Variants in EPHA3 observed in about 807,000 individuals in gnomAD.
EPHA3 encodes ephrin type-A receptor 3.
In EPHA3, 42 loss-of-function variants were observed where a neutral mutation model predicts 107.1. The ratio of observed to expected loss-of-function variants is 0.39; its 90% CI spans 0.31 to 0.51. The LOEUF is 0.51. Among genes scored for constraint, EPHA3 ranks in the 20% least tolerant of loss-of-function variants. EPHA3 has a pLI of 0.78. For missense variants in EPHA3, 1,183 were observed against 1,211.2 expected, an observed-to-expected ratio of 0.98 and a Z score of 0.35; for synonymous variants, 461 against 424.8, an observed-to-expected ratio of 1.09 and a Z score of -1.05.
At chr3:89,306,865 A>G (rs1340074620) in intron 3 of EPHA3, among the ~76,000 whole-genome samples, 1 of 152,170 alleles carries the variant, frequency 6.6e-6, no homozygotes, top group Non-Finnish European at 1.5e-5. Context: ...TTCGAATTGG[A>G]TATAATTCTT....
chr3:89,219,688 G>GTTTTTT (rs1553666928), intron 3 of EPHA3, among the ~76,000 whole-genome samples: 379 of 34,436 alleles, frequency 0.011, 122 homozygotes, highest in Admixed American at 0.015. Flanking sequence ...ATTTGGCAAT[G>GTTTTTT]TTTTTTTTTT....
chr3:89,275,324 C>T (rs1705780801), intron 3 of EPHA3, among the ~76,000 whole-genome samples: 1 of 152,012 alleles, frequency 6.6e-6, no homozygotes, highest in Non-Finnish European at 1.5e-5. Context: ...AAACTGTCGG[C>T]ACCAGAGCCC....
intron 3 of EPHA3, among the ~76,000 whole-genome samples, chr3:89,237,391 T>A (rs1353526345): frequency 6.6e-6 from 1 of 151,784 alleles, no homozygotes; most frequent in Non-Finnish European, 1.5e-5. Context: ...AAAACATAAA[T>A]ATATAAATAA....
intron 2 of EPHA3, among the ~76,000 whole-genome samples, chr3:89,176,308 A>G (rs1461480298): frequency 6.6e-6 from 1 of 151,750 alleles, no homozygotes; most frequent in Non-Finnish European, 1.5e-5. Context: ...ATATAGTGAA[A>G]CCCCGTCTTT....
chr3:89,392,081 A>T (rs1273121247), intron 5 of EPHA3, among the ~76,000 whole-genome samples: 1 of 152,120 alleles, frequency 6.6e-6, no homozygotes, highest in Non-Finnish European at 1.5e-5. Flanking sequence ...TCTGTCATCA[A>T]CTTCTTTCTC....
At chr3:89,325,631 C>T (rs1707147783) in intron 3 of EPHA3, among the ~76,000 whole-genome samples, 1 of 152,028 alleles carries the variant, frequency 6.6e-6, no homozygotes. Context: ...TCTTTCCTGC[C>T]TCAAGACTTT....
intron 6 of EPHA3, among the ~76,000 whole-genome samples, chr3:89,398,168 G>A (rs962298796): frequency 1.5e-4 from 23 of 152,240 alleles, no homozygotes; most frequent in African/African-American, 5.3e-4. Flanking sequence ...TGTATGGCAT[G>A]TTTTCTGTAC....
intron 3 of EPHA3, among the ~76,000 whole-genome samples, chr3:89,258,450 T>C (rs1380530350): frequency 2.0e-5 from 3 of 152,200 alleles, no homozygotes; most frequent in Non-Finnish European, 4.4e-5. Flanking sequence ...AATTTCCCTA[T>C]TGTTAGATGA....
At chr3:89,353,920 CAT>C (rs1334612546) in intron 5 of EPHA3, among the ~76,000 whole-genome samples, 1 of 151,136 alleles carries the variant, frequency 6.6e-6, no homozygotes, top group Non-Finnish European at 1.5e-5. Context: ...ATGGAGAAGA[CAT>C]GTACGTGGAA....
chr3:89,376,539 G>A (rs1216097596), intron 5 of EPHA3, among the ~76,000 whole-genome samples: 2 of 151,688 alleles, frequency 1.3e-5, no homozygotes, highest in East Asian at 3.9e-4. Context: ...GGTTTCTGAT[G>A]ATTCATATGG....
intron 3 of EPHA3, among the ~76,000 whole-genome samples, chr3:89,334,117 G>A (rs1376353867): frequency 6.6e-6 from 1 of 152,120 alleles, no homozygotes; most frequent in African/African-American, 2.4e-5. Context: ...GTGGGAAGGG[G>A]ATGACTATCA....
At position 89,449,386 on chromosome 3, in the gene EPHA3, TG is replaced by T; in HGVS notation, c.2496+14del. 1.9e-6 allele frequency: 3 copies of T among 1,581,142 alleles called. No individual in the cohort carries two copies. The highest frequency in any genetic ancestry group is 2.6e-6 in the Non-Finnish European group (3 of 1,157,912). ...TGTCCAATCAGGATGTAAGTATTTGTGGTCTATGAGTTATGAGTTCAGATGA... is the reference window on the plus strand; with the variant it reads ...TGTCCAATCAGGATGTAAGTATTTGTGTCTATGAGTTATGAGTTCAGATGA... On this transcript the variant is annotated intron_variant, in intron 14 of 16. Transcript: ENST00000336596.
At chr3:89,441,019 A>G (rs1047472979) in intron 13 of EPHA3, among the ~76,000 whole-genome samples, 9 of 152,224 alleles carry the variant, frequency 5.9e-5, no homozygotes, top group African/African-American at 1.9e-4. Flanking sequence ...GTTAGATAAA[A>G]CTGAATGTAA....
chr3:89,143,489 A>G (rs1704474403), intron 2 of EPHA3, among the ~76,000 whole-genome samples: 1 of 151,574 alleles, frequency 6.6e-6, no homozygotes, highest in South Asian at 2.1e-4. Flanking sequence ...TTGTTCTTGC[A>G]CTAGAGCTAT....
intron 7 of EPHA3, among the ~76,000 whole-genome samples, chr3:89,406,450 T>C (rs1023083772): frequency 6.6e-5 from 10 of 152,178 alleles, no homozygotes; most frequent in African/African-American, 2.2e-4. Context: ...TTAGGCTTTG[T>C]GCACATCATT....
chr3:89,394,453 A>G (rs1361835610), intron 5 of EPHA3, among the ~76,000 whole-genome samples: 1 of 152,208 alleles, frequency 6.6e-6, no homozygotes, highest in Non-Finnish European at 1.5e-5. Flanking sequence ...CCATGCTTCA[A>G]TTAGAAGGTG....
Position 89,148,313 on chromosome 3 carries a change from A to G in EPHA3, c.153+21040A>G, listed in dbSNP as rs1473689936. ...TACCTGTTTTTAAAGTATCTAAAAG[A>G]TAATGGAGAGTAGAGTTTATGAATT... is the stretch of plus-strand genomic sequence containing the variant. On this transcript the variant is annotated intron_variant, in intron 2 of 16. Coordinates refer to ENST00000336596, the MANE Select transcript of EPHA3 (RefSeq NM_005233.6). Among the ~76,000 whole-genome samples, 7 of 152,102 alleles carry G rather than the reference A, an allele frequency of 4.6e-5. No homozygotes were observed. The East Asian group carries it at 7.7e-4, about 17-fold the overall frequency.
At chr3:89,418,553 T>A (rs1273274630) in intron 10 of EPHA3, among the ~76,000 whole-genome samples, 1 of 144,162 alleles carries the variant, frequency 6.9e-6, no homozygotes, top group East Asian at 2.0e-4. Flanking sequence ...CATTGAAGAC[T>A]TTTTTTTTTA....
intron 6 of EPHA3, among the ~76,000 whole-genome samples, chr3:89,396,296 T>C (rs143487923): frequency 0.011 from 1,717 of 152,274 alleles, 37 homozygotes; most frequent in African/African-American, 0.039. Flanking sequence ...TTGTGAACTG[T>C]TTTTTTAGTT....
Sources: gnomAD v4.1 joint callset for allele counts (sites outside exome capture counted in the v4.1 genomes callset) on GRCh38, gnomAD v4.1.1 for gene constraint, MANE v1.5 for transcripts, NCBI Gene and HGNC (gene_info 2026-07-23, HGNC 2026-07-21) for gene names.